MAOA: variants seen among roughly 807,000 people sequenced by gnomAD.
MAOA encodes monoamine oxidase A.
Under a neutral mutation model 42.0 loss-of-function variants are expected in MAOA, and 6 were observed. The observed-to-expected ratio is 0.14, with a 90% confidence interval of 0.08 to 0.28. The LOEUF (loss-of-function observed/expected upper bound fraction) is 0.28, where lower values mean the gene tolerates loss of function less well. MAOA is among the 10% of genes least tolerant of loss of function. MAOA has a pLI of 1.00. For synonymous variants in MAOA, 140 were observed against 154.0 expected (o/e 0.91, Z 0.67); for missense variants, 262 against 422.3 (o/e 0.62, Z 3.33).
intron 5 of MAOA, among the ~76,000 whole-genome samples, chrX:43,717,988 G>A (rs751060675): frequency 9.0e-6 from 1 of 110,668 alleles, no homozygotes; most frequent in South Asian, 3.9e-4. Flanking sequence ...CAAGGAGGCA[G>A]GGAAGGGTAG....
At chrX:43,740,112 G>C (rs1443607903) in intron 10 of MAOA, among the ~76,000 whole-genome samples, 1 of 111,944 alleles carries the variant, frequency 8.9e-6, no homozygotes, top group South Asian at 3.7e-4. Context: ...GAAATACTGT[G>C]GTCCACAGAC....
At chrX:43,744,238 CCTT>C in intron 14 of MAOA, 67 bp downstream of exon 14, 3 of 1,131,487 alleles carry the variant, frequency 2.7e-6, no homozygotes, top group Non-Finnish European at 3.6e-6. Flanking sequence ...CTCACATCTC[CCTT>C]CTTCTAGCCT....
At chrX:43,724,510 G>T (rs2147099961) in intron 5 of MAOA, among the ~76,000 whole-genome samples, 1 of 111,802 alleles carries the variant, frequency 8.9e-6, no homozygotes, top group African/African-American at 3.2e-5. Flanking sequence ...GTATTTCTAT[G>T]GGATTGGTGG....
In MAOA at chrX:43,736,303, T is replaced by C. The variant is rs770950633; in HGVS notation, c.1106+23T>C. 6.3e-6 allele frequency: 7 copies of C among 1,104,991 alleles called. No individual in the cohort carries two copies. In the Middle Eastern group the frequency reaches 1.0e-3, roughly 159 times the overall value. The allele number at this position is 1,104,991 out of a possible 1,213,427, so 91.1% of individuals were successfully genotyped here. A position where few individuals can be genotyped will look rare whatever the true frequency, so the allele number is the denominator to read the frequency against. Reference sequence around the variant, plus strand: ...AAGGTAAGAATTTATAACTGAAAAATAGATGAAAAAGTTAGCTTTGTATTT... The same window carrying C: ...AAGGTAAGAATTTATAACTGAAAAACAGATGAAAAAGTTAGCTTTGTATTT... On this transcript the variant is annotated intron_variant, in intron 10 of 14. Transcript: ENST00000338702.
intron 9 of MAOA, among the ~76,000 whole-genome samples, chrX:43,735,486 G>A (rs898057698): frequency 8.9e-6 from 1 of 112,167 alleles, no homozygotes; most frequent in Non-Finnish European, 1.9e-5. Context: ...TTTATTTGGG[G>A]ACTATATTAG....
chrX:43,666,750 C>T (rs887706746), intron 1 of MAOA, among the ~76,000 whole-genome samples: 2 of 111,249 alleles, frequency 1.8e-5, no homozygotes, highest in African/African-American at 6.5e-5. Context: ...CTACAAGACA[C>T]TCTGTCACTT....
chrX:43,696,342 T>C (rs564047429), intron 3 of MAOA, among the ~76,000 whole-genome samples: 1 of 112,421 alleles, frequency 8.9e-6, no homozygotes, highest in African/African-American at 3.2e-5. Context: ...GGCTGTGCTA[T>C]TGCATAACCT....
intron 1 of MAOA, among the ~76,000 whole-genome samples, chrX:43,680,475 C>T (rs1015324128): frequency 9.0e-6 from 1 of 111,367 alleles, no homozygotes; most frequent in Non-Finnish European, 1.9e-5. Context: ...CCTCTGTCCC[C>T]TAAGTATCAG....
intron 5 of MAOA, among the ~76,000 whole-genome samples, chrX:43,718,281 C>A (rs1458100088): frequency 1.9e-5 from 2 of 104,002 alleles, no homozygotes; most frequent in Non-Finnish European, 3.9e-5. Flanking sequence ...AGGAATGAGA[C>A]ACCTGGGTAG....
chrX:43,706,364 A>G (rs2033659101), intron 3 of MAOA, among the ~76,000 whole-genome samples: 1 of 112,093 alleles, frequency 8.9e-6, no homozygotes, highest in Non-Finnish European at 1.9e-5. Context: ...AACTCTGTCA[A>G]TTATCTTTAA....
At chrX:43,709,091 T>C (rs1001248645) in intron 3 of MAOA, among the ~76,000 whole-genome samples, 2 of 111,146 alleles carry the variant, frequency 1.8e-5, no homozygotes, top group African/African-American at 6.6e-5. Flanking sequence ...CTCAAACTCC[T>C]GACCTCAGGT....
intron 3 of MAOA, among the ~76,000 whole-genome samples, chrX:43,705,266 A>T (rs952871613): frequency 5.3e-5 from 6 of 112,698 alleles, no homozygotes; most frequent in Admixed American, 9.4e-5. Flanking sequence ...TTCTATAAGG[A>T]TAAACATATA....
chrX:43,711,183 G>T (rs770385890), intron 3 of MAOA, among the ~76,000 whole-genome samples: 1 of 111,195 alleles, frequency 9.0e-6, no homozygotes, highest in African/African-American at 3.3e-5. Flanking sequence ...ATCATTTTCT[G>T]TAATGGGAGC....
intron 2 of MAOA, among the ~76,000 whole-genome samples, chrX:43,684,943 T>C (rs1283816435): frequency 9.9e-6 from 1 of 101,419 alleles, no homozygotes; most frequent in African/African-American, 3.6e-5. Flanking sequence ...AATGGTGCGA[T>C]CTTGGCTCAC....
At chrX:43,681,235 G>C (rs887658662) in intron 1 of MAOA, among the ~76,000 whole-genome samples, 1 of 111,468 alleles carries the variant, frequency 9.0e-6, no homozygotes, top group Non-Finnish European at 1.9e-5. Context: ...TTGCTACTGG[G>C]TAGGTTATTT....
At chrX:43,715,852 G>A (rs1429618191) in intron 5 of MAOA, among the ~76,000 whole-genome samples, 1 of 110,816 alleles carries the variant, frequency 9.0e-6, no homozygotes, top group African/African-American at 3.3e-5. Flanking sequence ...CAGGCACTGT[G>A]GGGACACAGA....
intron 1 of MAOA, among the ~76,000 whole-genome samples, chrX:43,674,586 G>A (rs1205056979): frequency 1.4e-4 from 15 of 111,056 alleles, no homozygotes; most frequent in East Asian, 2.8e-4. Flanking sequence ...AGCTGGTACC[G>A]GTTGTTCCTT....
At chrX:43,673,602 T>G (rs2033358655) in intron 1 of MAOA, among the ~76,000 whole-genome samples, 1 of 109,689 alleles carries the variant, frequency 9.1e-6, no homozygotes, top group South Asian at 4.0e-4. Context: ...AATTTCCCTC[T>G]ACACACTGCT....
chrX:43,727,688 G>A (rs1356174405), intron 5 of MAOA, among the ~76,000 whole-genome samples: 5 of 112,759 alleles, frequency 4.4e-5, no homozygotes, highest in Non-Finnish European at 9.4e-5. Context: ...CAGTATCTGC[G>A]CAAGAGTGTA....
Sources: gnomAD v4.1 joint callset for allele counts (sites outside exome capture counted in the v4.1 genomes callset) on GRCh38, gnomAD v4.1.1 for gene constraint, MANE v1.5 for transcripts, NCBI Gene and HGNC (gene_info 2026-07-23, HGNC 2026-07-21) for gene names.